Variants in ZNF536 observed in about 807,000 individuals in gnomAD.
ZNF536 encodes the protein zinc finger protein 536.
ZNF536 carries 13 observed loss-of-function variants against 84.5 expected under a neutral mutation model. The observed-to-expected ratio is 0.15, with a 90% CI of 0.10 to 0.24. ZNF536 has a LOEUF of 0.24. Among genes scored for constraint, ZNF536 ranks in the 10% least tolerant of loss-of-function variants. The pLI is 1.00. For missense variants in ZNF536, 1,536 were observed against 1,747.5 expected, an observed-to-expected ratio of 0.88 and a Z score of 2.16; for synonymous variants, 811 against 742.5, an observed-to-expected ratio of 1.09 and a Z score of -1.50.
intron 4 of ZNF536, among the ~76,000 whole-genome samples, chr19:30,550,976 T>C (rs142605386): frequency 2.0e-5 from 3 of 152,304 alleles, no homozygotes; most frequent in African/African-American, 7.2e-5. Context: ...AAAACAATAT[T>C]TAAAAGAAGG....
intron 1 of ZNF536, among the ~76,000 whole-genome samples, chr19:30,693,118 G>T (rs180950200): frequency 6.6e-6 from 1 of 152,154 alleles, no homozygotes; most frequent in East Asian, 1.9e-4. Flanking sequence ...TTGTCCCTAT[G>T]CCTCTCCGTG....
chr19:30,429,031 C>T (rs1425546622), intron 1 of ZNF536, among the ~76,000 whole-genome samples: 1 of 152,174 alleles, frequency 6.6e-6, no homozygotes, highest in Non-Finnish European at 1.5e-5. Context: ...GCCAGGGCAC[C>T]TGAGGCCACA....
intron 1 of ZNF536, among the ~76,000 whole-genome samples, chr19:30,249,380 G>A (rs1255667773): frequency 6.7e-6 from 1 of 150,274 alleles, no homozygotes; most frequent in Admixed American, 6.6e-5. Context: ...AAGGAGGAGG[G>A]GGAGGAGGAG....
At chr19:30,460,764 A>AAG (rs2053096174) in intron 2 of ZNF536, among the ~76,000 whole-genome samples, 1 of 152,230 alleles carries the variant, frequency 6.6e-6, no homozygotes, top group East Asian at 1.9e-4. Context: ...TCTTGAGGAG[A>AAG]AGCTGGCCTG....
intron 1 of ZNF536, among the ~76,000 whole-genome samples, chr19:30,686,177 A>G (rs533552652): frequency 1.3e-5 from 2 of 152,090 alleles, no homozygotes; most frequent in East Asian, 3.9e-4. Context: ...TTCTGTGAAG[A>G]TCATTTTGGG....
chr19:30,504,454 TTCTCCCTTCCTCCCTCCCATCCTC>T (rs2055080475), intron 2 of ZNF536, among the ~76,000 whole-genome samples: 1 of 112,766 alleles, frequency 8.9e-6, no homozygotes, highest in Non-Finnish European at 1.8e-5. Flanking sequence ...CTCCCTTCCT[TTCTCCCTTCCTCCCTCCCATCCTC>T]TCTCCCTTCC....
upstream of ZNF536, chr19:30,228,214 G>A (rs2022730827): frequency 6.6e-6 from 1 of 152,068 alleles, no homozygotes; most frequent in South Asian, 2.1e-4. This position sits in a 1 kb window ranked among gnomAD's most constrained non-coding sequence, Gnocchi z 4.5. Flanking sequence ...TCACATCTTT[G>A]TTCATTGTTC....
At chr19:30,649,877 A>G (rs2049632430) in intron 1 of ZNF536, among the ~76,000 whole-genome samples, 1 of 150,826 alleles carries the variant, frequency 6.6e-6, no homozygotes, top group South Asian at 2.1e-4. Flanking sequence ...TTAATCTGAA[A>G]TATTTAAGTA....
rs372587955 is a variant in ZNF536 at position 30,466,584 on chromosome 19, A to AAG, written c.2170+20870_2170+20871dup. On this transcript the variant is annotated intron_variant, in intron 2 of 4. Transcript: ENST00000355537. ...TTAGAAAGAAAGAAAGAAAGAAAGA[A>AAG]AGAGAGAGAGAGAGAGAGAAAGAAA... Among the ~76,000 whole-genome samples the AAG allele has an allele frequency of 7.3e-4, 105 of 144,462 alleles. 1 individual carries two copies. Among genetic ancestry groups the AAG allele is most frequent in the Admixed American group, 7.6e-4 (11 of 14,446 alleles). The allele number at this position is 144,462 out of a possible 152,430, so 94.8% of individuals were successfully genotyped here.
chr19:30,439,861 T>C (rs2051935595), intron 1 of ZNF536, among the ~76,000 whole-genome samples: 1 of 152,078 alleles, frequency 6.6e-6, no homozygotes, highest in Admixed American at 6.5e-5. Context: ...GGTCCAAGCC[T>C]GGGGTGATAA....
At chr19:30,484,315 C>T (rs1363189144) in intron 2 of ZNF536, among the ~76,000 whole-genome samples, 1 of 150,712 alleles carries the variant, frequency 6.6e-6, no homozygotes, top group Non-Finnish European at 1.5e-5. Context: ...CAACCTCTGC[C>T]TCCTAGGTTC....
chr19:30,575,574 C>A (rs1378353749), intron 1 of ZNF536, among the ~76,000 whole-genome samples: 1 of 152,158 alleles, frequency 6.6e-6, no homozygotes, highest in African/African-American at 2.4e-5. Context: ...TATCAGAGAC[C>A]CAGCGGTCCA....
chr19:30,551,088 G>T (rs2045761437), intron 4 of ZNF536, among the ~76,000 whole-genome samples: 4 of 149,900 alleles, frequency 2.7e-5, no homozygotes, highest in African/African-American at 7.3e-5. Context: ...TGTTGTTTTA[G>T]GTTTGTGATC....
chr19:30,654,844 C>A (rs2049846479), intron 1 of ZNF536, among the ~76,000 whole-genome samples: 1 of 151,914 alleles, frequency 6.6e-6, no homozygotes, highest in African/African-American at 2.4e-5. Context: ...CCACACACCC[C>A]CCCATGCTGG....
intron 2 of ZNF536, among the ~76,000 whole-genome samples, chr19:30,329,112 C>CT (rs1331656453): frequency 1.3e-5 from 2 of 152,226 alleles, no homozygotes; most frequent in African/African-American, 4.8e-5. Flanking sequence ...AGAGAGGCCT[C>CT]TTAGCCCTCA....
intron 1 of ZNF536, among the ~76,000 whole-genome samples, chr19:30,236,777 C>T (rs1301138349): frequency 6.6e-6 from 1 of 152,108 alleles, no homozygotes. Context: ...ATGACAGTGC[C>T]CTGGGATGTA....
chr19:30,391,726 AC>A, intron 1 of ZNF536, among the ~76,000 whole-genome samples: 1 of 152,344 alleles, frequency 6.6e-6, no homozygotes, highest in South Asian at 2.1e-4. Flanking sequence ...AGGTAAAGGC[AC>A]ACACAGAAAA....
chr19:30,652,654 T>C (rs1371630059), intron 1 of ZNF536, among the ~76,000 whole-genome samples: 2 of 152,172 alleles, frequency 1.3e-5, no homozygotes, highest in Non-Finnish European at 2.9e-5. Flanking sequence ...CTTTTCCCCC[T>C]TTACTGTGTG....
intron 4 of ZNF536, chr19:30,554,839 G>A (rs991524066): frequency 4.6e-5 from 7 of 152,206 alleles, no homozygotes; most frequent in Non-Finnish European, 7.3e-5. Context: ...ATGTGTTCCC[G>A]TGGTCATCCC....
Sources: allele counts gnomAD v4.1 joint callset (sites outside exome capture counted in the v4.1 genomes callset), GRCh38; gene constraint gnomAD v4.1.1; non-coding constraint Gnocchi (gnomAD v3.1); transcripts MANE v1.5; gene names NCBI Gene and HGNC (gene_info 2026-07-23, HGNC 2026-07-21).